SP3: variants seen among roughly 807,000 people sequenced by gnomAD.
SP3 encodes Sp3 transcription factor, also known as transcription factor Sp3.
SP3 carries 10 observed loss-of-function variants against 70.3 expected under a neutral mutation model. The ratio of observed to expected loss-of-function variants is 0.14; its 90% CI spans 0.09 to 0.24. The LOEUF is 0.24. Ranked by LOEUF, SP3 falls within the 10% of genes least tolerant of loss-of-function variation. The probability of loss-of-function intolerance (pLI) is 1.00; values close to 1 mark genes in which losing one functional copy is unlikely to be tolerated. For synonymous variants in SP3, 402 were observed against 333.5 expected (o/e 1.21, Z -2.24); for missense variants, 825 against 914.6 (o/e 0.90, Z 1.26).
rs929253273 is a variant in SP3 at position 173,908,820 on chromosome 2, TC to T, written c.*1120del. The T allele has an allele frequency of 4.0e-5, 6 of 151,816 alleles. No homozygotes were observed. The highest frequency in any genetic ancestry group is 7.4e-5 in the Non-Finnish European group (5 of 67,794). 9.4% of individuals were successfully genotyped at this position (151,816 alleles called of 1,614,324 possible). On this transcript the variant is annotated 3_prime_UTR_variant, in exon 7 of 7. Coordinates refer to ENST00000310015, the MANE Select transcript of SP3 (RefSeq NM_003111.5). Reference sequence around the variant, plus strand: ...CAGCATAATAAAAAACATACGCTTCTCAATTAAATGTACTGGATACATATAA... The same window carrying T: ...CAGCATAATAAAAAACATACGCTTCTAATTAAATGTACTGGATACATATAA...
Position 173,904,853 on chromosome 2 carries a change from G to A in SP3, c.*5088C>T, listed in dbSNP as rs1427061628. Among the ~76,000 whole-genome samples, 1 of 152,092 alleles carries A rather than the reference G, an allele frequency of 6.6e-6. No homozygotes were observed. The highest frequency in any genetic ancestry group is 1.5e-5 in the Non-Finnish European group (1 of 68,002). The stretch of plus-strand genomic sequence containing the variant: ...TCGGAGGCTTAGACTTTTTTTTGTG[G>A]GGGAAGGATGGAGGGGAGAAATAAC... On this transcript the variant is annotated 3_prime_UTR_variant, in exon 7 of 7. Transcript: ENST00000310015.
intron 4 of SP3, among the ~76,000 whole-genome samples, chr2:173,951,567 T>A: frequency 6.6e-6 from 1 of 152,244 alleles, no homozygotes; most frequent in East Asian, 1.9e-4. Flanking sequence ...TCAGATCTGC[T>A]CCTGCATTCA....
At chr2:173,950,926 C>T (rs1285544212) in intron 4 of SP3, among the ~76,000 whole-genome samples, 1 of 152,114 alleles carries the variant, frequency 6.6e-6, no homozygotes, top group African/African-American at 2.4e-5. Context: ...TTTACTTTCT[C>T]AAATAATTTC....
chr2:173,934,840 C>G (rs1040744899), intron 4 of SP3, among the ~76,000 whole-genome samples: 13 of 152,154 alleles, frequency 8.5e-5, no homozygotes, highest in Non-Finnish European at 1.9e-4. Context: ...TAAATACATT[C>G]TATTCCATCT....
intron 6 of SP3, among the ~76,000 whole-genome samples, chr2:173,910,574 T>TA (rs1379730816): frequency 1.3e-5 from 2 of 152,184 alleles, no homozygotes; most frequent in Non-Finnish European, 2.9e-5. Flanking sequence ...AGATGCCAGC[T>TA]AAAAAATAAG....
chr2:173,928,991 C>A (rs920796495), intron 4 of SP3, among the ~76,000 whole-genome samples: 11 of 152,160 alleles, frequency 7.2e-5, no homozygotes, highest in Admixed American at 6.5e-4. Context: ...TTTGATACAA[C>A]AAAAATTTAT....
intron 4 of SP3, among the ~76,000 whole-genome samples, chr2:173,942,223 G>A (rs1285273130): frequency 6.6e-6 from 1 of 152,108 alleles, no homozygotes. Flanking sequence ...CAAGTTGTTG[G>A]CACTTCTAGA....
chr2:173,904,112 C>T lies in SP3; in HGVS notation c.*5829G>A, dbSNP rs906774335. On this transcript the variant is annotated 3_prime_UTR_variant, in exon 7 of 7. Transcript: ENST00000310015. ...CGCATGCGGGGTTCACAACGGGGTT[C>T]GCACTCCTATGAGAATCTAATGTTG... 1.3e-5 allele frequency among the ~76,000 whole-genome samples: 2 copies of T among 152,122 alleles called. No individual in the cohort carries two copies. Among genetic ancestry groups the T allele is most frequent in the African/African-American group, 2.4e-5 (1 of 41,416 alleles).
At position 173,904,104 on chromosome 2, in the gene SP3, A is replaced by G. The variant is rs1689247641; in HGVS notation, c.*5837T>C. ...AGATCCCTCGCATGCGGGGTTCACA[A>G]CGGGGTTCGCACTCCTATGAGAATC... On this transcript the variant is annotated 3_prime_UTR_variant, in exon 7 of 7. Transcript: ENST00000310015. 1.3e-5 allele frequency among the ~76,000 whole-genome samples: 2 copies of G among 152,160 alleles called. No homozygotes were observed. The highest frequency in any genetic ancestry group is 1.3e-4 in the Admixed American group (2 of 15,292).
Position 173,909,676 on chromosome 2 carries a change from A to G in SP3, c.*265T>C, listed in dbSNP as rs566618925. 4.1e-5 allele frequency: 12 copies of G among 295,330 alleles called. No homozygotes were observed. Among genetic ancestry groups the G allele is most frequent in the Admixed American group, 2.4e-4 (5 of 21,052 alleles). The allele number at this position is 295,330 out of a possible 1,614,324, so 18.3% of individuals were successfully genotyped here. ...TGGTTAGACTACCATTCGCATTGTT[A>G]AATTCAATTTTCTCTTTATATAACT... On this transcript the variant is annotated 3_prime_UTR_variant, in exon 7 of 7. Transcript: ENST00000310015.
intron 4 of SP3, among the ~76,000 whole-genome samples, chr2:173,935,098 G>T (rs1382371921): frequency 6.6e-6 from 1 of 152,124 alleles, no homozygotes; most frequent in Non-Finnish European, 1.5e-5. Flanking sequence ...CGATGTTCTA[G>T]GCCAGGTGCA....
At chr2:173,939,788 A>T (rs6720186) in intron 4 of SP3, among the ~76,000 whole-genome samples, 4,598 of 147,408 alleles carry the variant, frequency 0.031, 326 homozygotes, top group African/African-American at 0.11. Flanking sequence ...AAAAAGTTAC[A>T]CTGATTTTGG....
At chr2:173,914,132 T>C (rs1339373668) in intron 5 of SP3, 1 of 151,644 alleles carries the variant, frequency 6.6e-6, no homozygotes, top group African/African-American at 2.4e-5. Flanking sequence ...TGAATAGTAT[T>C]AAACACTACA....
intron 3 of SP3, among the ~76,000 whole-genome samples, chr2:173,957,046 A>G (rs944503679): frequency 4.6e-5 from 7 of 152,220 alleles, no homozygotes; most frequent in Non-Finnish European, 8.8e-5. Flanking sequence ...GTTGAGACAT[A>G]CACAGTTCTC....
At chr2:173,919,711 C>G (rs1689695662) in intron 4 of SP3, among the ~76,000 whole-genome samples, 1 of 152,160 alleles carries the variant, frequency 6.6e-6, no homozygotes, top group Non-Finnish European at 1.5e-5. Flanking sequence ...ACCGTACAGA[C>G]TGTTGGCAAA....
rs1689185768 is a variant in SP3, at chr2:173,901,289, T to C, written c.*8652A>G. On this transcript the variant is annotated 3_prime_UTR_variant, in exon 7 of 7. Coordinates refer to ENST00000310015, the MANE Select transcript of SP3 (RefSeq NM_003111.5). The stretch of plus-strand genomic sequence containing the variant: ...TAAGACACAAAAGCCACAATTCAGA[T>C]ACAATAAAACTTCTGCAAAACAACA... Among the ~76,000 whole-genome samples the C allele has an allele frequency of 6.6e-6, 1 of 152,044 alleles. No homozygotes were observed. Among genetic ancestry groups the C allele is most frequent in the Non-Finnish European group, 1.5e-5 (1 of 68,002 alleles).
At chr2:173,941,866 ACT>A (rs1446240663) in intron 4 of SP3, among the ~76,000 whole-genome samples, 7 of 151,778 alleles carry the variant, frequency 4.6e-5, no homozygotes, top group African/African-American at 1.2e-4. Context: ...ACAGTCTCCA[ACT>A]CTGTTAAAAT....
At chr2:173,944,880 G>A (rs567793911) in intron 4 of SP3, among the ~76,000 whole-genome samples, 70 of 152,318 alleles carry the variant, frequency 4.6e-4, no homozygotes, top group African/African-American at 1.6e-3. Flanking sequence ...ACTTTGGGAG[G>A]CCAAGGCAGC....
chr2:173,915,989 A>C (rs1455708068), intron 5 of SP3: 1 of 152,096 alleles, frequency 6.6e-6, no homozygotes, highest in Non-Finnish European at 1.5e-5. Flanking sequence ...AAAAAAAGAC[A>C]AATATTCTAA....
Sources: gnomAD v4.1 joint callset for allele counts (sites outside exome capture counted in the v4.1 genomes callset) on GRCh38, gnomAD v4.1.1 for gene constraint, MANE v1.5 for transcripts, NCBI Gene and HGNC (gene_info 2026-07-23, HGNC 2026-07-21) for gene names.